The following ABTB3 variants were observed in gnomAD, a reference collection of about 807,000 sequenced individuals.
ABTB3 encodes ankyrin repeat- and BTB/POZ domain-containing protein 3.
chr12:107,319,121 A>T, the ABTB3 span: 1 of 1,606,790 alleles, frequency 6.2e-7, no homozygotes, highest in Non-Finnish European at 8.5e-7. Context: ...CTCCATGCAC[A>T]GCCGGCACAA....
the ABTB3 span, among the ~76,000 whole-genome samples, chr12:107,457,591 A>T: frequency 1.3e-5 from 2 of 152,340 alleles, no homozygotes; most frequent in African/African-American, 2.4e-5. Context: ...GCAGAAAAAA[A>T]TGCTGCGAGC....
the ABTB3 span, among the ~76,000 whole-genome samples, chr12:107,323,892 T>A: frequency 6.6e-6 from 1 of 152,186 alleles, no homozygotes; most frequent in South Asian, 2.1e-4. Flanking sequence ...GCTCATTCAA[T>A]TTTAGGCATT....
chr12:107,331,416 A>G, the ABTB3 span, among the ~76,000 whole-genome samples: 1 of 152,150 alleles, frequency 6.6e-6, no homozygotes, highest in African/African-American at 2.4e-5. Flanking sequence ...GTTCACGGGG[A>G]CAGGAGTGTT....
the ABTB3 span, among the ~76,000 whole-genome samples, chr12:107,324,986 C>T: frequency 2.0e-5 from 3 of 152,126 alleles, no homozygotes; most frequent in East Asian, 1.9e-4. Context: ...AGGAAGAAAA[C>T]CCAAACCGAA....
At chr12:107,605,276 G>A in the ABTB3 span, among the ~76,000 whole-genome samples, 1 of 152,200 alleles carries the variant, frequency 6.6e-6, no homozygotes, top group African/African-American at 2.4e-5. Flanking sequence ...GATAGATGTG[G>A]TCCTGCCCCT....
At chr12:107,336,616 A>G in the ABTB3 span, among the ~76,000 whole-genome samples, 1 of 152,210 alleles carries the variant, frequency 6.6e-6, no homozygotes, top group African/African-American at 2.4e-5. Flanking sequence ...TTCCCCAGTC[A>G]TAGAAAACCT....
At chr12:107,544,273 A>G in the ABTB3 span, 3 of 927,970 alleles carry the variant, frequency 3.2e-6, no homozygotes, top group Admixed American at 2.6e-5. Context: ...CCCGGTGGGA[A>G]CCTTGCACCC....
At chr12:107,383,781 A>G in the ABTB3 span, among the ~76,000 whole-genome samples, 1 of 152,158 alleles carries the variant, frequency 6.6e-6, no homozygotes, top group South Asian at 2.1e-4. Flanking sequence ...GGGTGGGCCT[A>G]TTGTGGTTGG....
At chr12:107,433,162 C>A in the ABTB3 span, among the ~76,000 whole-genome samples, 7 of 150,968 alleles carry the variant, frequency 4.6e-5, no homozygotes, top group Admixed American at 6.6e-5. Flanking sequence ...CGGTGGCGGG[C>A]GCCTGTAGTC....
the ABTB3 span, among the ~76,000 whole-genome samples, chr12:107,332,140 G>C: frequency 6.6e-6 from 1 of 152,220 alleles, no homozygotes; most frequent in African/African-American, 2.4e-5. Flanking sequence ...GGCCCAGGAG[G>C]GCGGGCTCCT....
the ABTB3 span, among the ~76,000 whole-genome samples, chr12:107,652,866 A>G: frequency 5.9e-5 from 9 of 152,240 alleles, no homozygotes; most frequent in Non-Finnish European, 1.5e-5. Context: ...GCAGGAAACA[A>G]TAAAACCAGT....
the ABTB3 span, among the ~76,000 whole-genome samples, chr12:107,360,780 G>T: frequency 2.6e-5 from 4 of 152,050 alleles, no homozygotes; most frequent in Non-Finnish European, 5.9e-5. Flanking sequence ...CTGAAACAAG[G>T]TCTCGCTCTG....
chr12:107,477,332 C>T, the ABTB3 span, among the ~76,000 whole-genome samples: 2 of 152,170 alleles, frequency 1.3e-5, no homozygotes, highest in African/African-American at 2.4e-5. Context: ...GGACTACCAC[C>T]TTGTTAGTGT....
At chr12:107,514,735 T>A in the ABTB3 span, among the ~76,000 whole-genome samples, 1 of 152,256 alleles carries the variant, frequency 6.6e-6, no homozygotes, top group African/African-American at 2.4e-5. Context: ...AACCCTGGTA[T>A]ATAATCTTTG....
At chr12:107,581,882 G>A in the ABTB3 span, among the ~76,000 whole-genome samples, 1 of 152,096 alleles carries the variant, frequency 6.6e-6, no homozygotes, top group Non-Finnish European at 1.5e-5. Context: ...GGCTTTAAAT[G>A]CAAAAAAACA....
the ABTB3 span, among the ~76,000 whole-genome samples, chr12:107,580,034 G>A: frequency 6.6e-6 from 1 of 152,214 alleles, no homozygotes; most frequent in Non-Finnish European, 1.5e-5. Context: ...CTTTGAGAAT[G>A]TCGTCCGCAG....
At chr12:107,397,654 G>A in the ABTB3 span, among the ~76,000 whole-genome samples, 12 of 152,078 alleles carry the variant, frequency 7.9e-5, no homozygotes, top group Non-Finnish European at 1.8e-4. Flanking sequence ...TTATGATTAC[G>A]ATTTTCTTGC....
chr12:107,497,339 C>G, the ABTB3 span, among the ~76,000 whole-genome samples: 1 of 151,694 alleles, frequency 6.6e-6, no homozygotes, highest in East Asian at 1.9e-4. Context: ...ACCATCCCCA[C>G]CTCTATCCTC....
At chr12:107,370,662 G>A in the ABTB3 span, among the ~76,000 whole-genome samples, 1 of 152,170 alleles carries the variant, frequency 6.6e-6, no homozygotes, top group East Asian at 1.9e-4. Context: ...GCCTGGTGGG[G>A]CTGCTGAGCC....
Sources: gnomAD v4.1 joint callset for allele counts (sites outside exome capture counted in the v4.1 genomes callset) on GRCh38, gnomAD v4.1.1 for gene constraint, MANE v1.5 for transcripts, NCBI Gene and HGNC (gene_info 2026-07-23, HGNC 2026-07-21) for gene names.